The following PLGRKT variants were observed in gnomAD, a reference collection of about 807,000 sequenced individuals.
The protein encoded by PLGRKT is plasminogen receptor (KT).
A neutral mutation model predicts 18.5 loss-of-function variants in PLGRKT; 22 were observed. The ratio of observed to expected loss-of-function variants is 1.19; its 90% CI spans 0.85 to 1.70. The LOEUF is 1.70. Ranked by LOEUF, PLGRKT falls within the 40% of genes most tolerant of loss-of-function variation. PLGRKT has a pLI of 0.00. For synonymous variants in PLGRKT, 72 were observed against 52.8 expected, an observed-to-expected ratio of 1.36 and a Z score of -1.58; for missense variants, 235 against 174.4, an observed-to-expected ratio of 1.35 and a Z score of -1.96.
intron 3 of PLGRKT, chr9:5,381,938 G>A: frequency 1.0e-6 from 1 of 984,978 alleles, no homozygotes; most frequent in South Asian, 4.7e-5. Flanking sequence ...CTCCGAGACA[G>A]GGCCTCCATG....
rs1817701715 is a variant in PLGRKT at position 5,379,785 on chromosome 9, G to C, written c.82-17897C>G. Among the ~76,000 whole-genome samples, 5 of 152,224 alleles carry C rather than the reference G, an allele frequency of 3.3e-5. No homozygotes were observed. In the South Asian group the frequency reaches 1.0e-3, roughly 32 times the overall value. ...GATACTATCCTTTGTTGGTGAGAGT[G>C]CACTCATGCACTATTTTTGGGAAAG... On this transcript the variant is annotated intron_variant, in intron 3 of 5. Transcript: ENST00000223864.
intron 3 of PLGRKT, among the ~76,000 whole-genome samples, chr9:5,399,271 G>A (rs1818111132): frequency 6.6e-6 from 1 of 151,700 alleles, no homozygotes; most frequent in South Asian, 2.1e-4. Flanking sequence ...TTAATTCATA[G>A]ACCAGCCAAA....
chr9:5,362,124 C>A (rs191229458), intron 3 of PLGRKT, among the ~76,000 whole-genome samples: 114 of 152,270 alleles, frequency 7.5e-4, no homozygotes, highest in Middle Eastern at 3.4e-3. Flanking sequence ...CATTTTTACA[C>A]CCTGAGGTCT....
intron 2 of PLGRKT, among the ~76,000 whole-genome samples, chr9:5,436,274 A>C (rs1240430627): frequency 1.3e-5 from 2 of 152,202 alleles, no homozygotes; most frequent in Non-Finnish European, 2.9e-5. Context: ...TCCCCTAAAT[A>C]TTTGCACAAA....
Position 5,418,756 on chromosome 9 carries a change from A to G in PLGRKT, c.81+13141T>C. 1.4e-6 allele frequency: 1 copy of G among 702,152 alleles called. No individual in the cohort carries two copies. The highest frequency in any genetic ancestry group is 2.1e-5 in the Admixed American group (1 of 47,042). The allele number at this position is 702,152 out of a possible 1,614,324, so 43.5% of individuals were successfully genotyped here. Reference sequence around the variant, plus strand: ...GTGTGGAATGGTGATGACAGCCAGGACCTCGGGGTCGTCGAGGAGCTGCGA... The same window carrying G: ...GTGTGGAATGGTGATGACAGCCAGGGCCTCGGGGTCGTCGAGGAGCTGCGA... On this transcript the variant is annotated intron_variant, in intron 3 of 5. Transcript: ENST00000223864. This position sits in a 1 kb window ranked among gnomAD's most constrained non-coding sequence, Gnocchi z 4.2.
At chr9:5,374,928 A>T (rs1219425023) in intron 3 of PLGRKT, among the ~76,000 whole-genome samples, 1 of 152,168 alleles carries the variant, frequency 6.6e-6, no homozygotes, top group African/African-American at 2.4e-5. Flanking sequence ...ATTTGTATAA[A>T]TCTAAGATTT....
At chr9:5,397,788 C>G (rs1279810772) in intron 3 of PLGRKT, among the ~76,000 whole-genome samples, 15 of 151,984 alleles carry the variant, frequency 9.9e-5, no homozygotes, top group Non-Finnish European at 1.6e-4. Context: ...CATAAAGATA[C>G]AGGGAGCATT....
intron 3 of PLGRKT, among the ~76,000 whole-genome samples, chr9:5,379,519 C>T (rs949604173): frequency 6.6e-6 from 1 of 151,782 alleles, no homozygotes; most frequent in Non-Finnish European, 1.5e-5. Context: ...TGTGTGTGTA[C>T]ACAAATACAT....
intron 2 of PLGRKT, among the ~76,000 whole-genome samples, chr9:5,432,843 C>T (rs1409885606): frequency 6.6e-6 from 1 of 152,186 alleles, no homozygotes; most frequent in Non-Finnish European, 1.5e-5. Flanking sequence ...TCTCGGCTGG[C>T]TACAACCTCC....
chr9:5,435,408 C>A lies in PLGRKT; in HGVS notation c.-7+1161G>T, dbSNP rs1011835876. Among the ~76,000 whole-genome samples, 3 of 151,928 alleles carry A rather than the reference C, an allele frequency of 2.0e-5. 1 individual carries two copies. The highest frequency in any genetic ancestry group is 2.9e-5 in the Non-Finnish European group (2 of 67,982). On this transcript the variant is annotated intron_variant, in intron 2 of 5. Transcript: ENST00000223864. ...CCTGTCATCCCACCACAATCCCTGT[C>A]CCTCTCCTACATGCCCCTTATTTCC...
At chr9:5,369,707 A>G (rs1308542398) in intron 3 of PLGRKT, among the ~76,000 whole-genome samples, 1 of 152,240 alleles carries the variant, frequency 6.6e-6, no homozygotes. Flanking sequence ...TCAATGATAG[A>G]CTGGCTAAAG....
At chr9:5,410,109 C>T (rs894365562) in intron 3 of PLGRKT, among the ~76,000 whole-genome samples, 2 of 152,064 alleles carry the variant, frequency 1.3e-5, no homozygotes, top group African/African-American at 4.8e-5. Flanking sequence ...CTATTACTGG[C>T]CTTAATTGTA....
At chr9:5,400,848 A>G (rs1055301759) in intron 3 of PLGRKT, among the ~76,000 whole-genome samples, 3 of 151,934 alleles carry the variant, frequency 2.0e-5, no homozygotes, top group African/African-American at 7.3e-5. Flanking sequence ...CTACGCTGCT[A>G]TTCAGCCATA....
chr9:5,432,626 T>A (rs1031637258), intron 2 of PLGRKT, among the ~76,000 whole-genome samples: 3 of 151,862 alleles, frequency 2.0e-5, no homozygotes, highest in African/African-American at 7.3e-5. Context: ...GCCTGCCGAG[T>A]GCCAGGGATT....
rs139102311 is a variant in PLGRKT, at chr9:5,400,270, A to G, written c.81+31627T>C. On this transcript the variant is annotated intron_variant, in intron 3 of 5. Transcript: ENST00000223864. Reference sequence around the variant, plus strand: ...CACTCAATATAACTTCTAATACTCAAAGGTCTTCATATTCAAAATTCCCTC... The same window carrying G: ...CACTCAATATAACTTCTAATACTCAGAGGTCTTCATATTCAAAATTCCCTC... Among the ~76,000 whole-genome samples the G allele has an allele frequency of 3.7e-3, 560 of 152,010 alleles. 11 individuals are homozygous for G. Among genetic ancestry groups the G allele is most frequent in the African/African-American group, 0.011 (474 of 41,308 alleles).
At chr9:5,372,831 G>T (rs1052331012) in intron 3 of PLGRKT, among the ~76,000 whole-genome samples, 1 of 152,166 alleles carries the variant, frequency 6.6e-6, no homozygotes, top group African/African-American at 2.4e-5. Context: ...CATGCTATTA[G>T]GGAGTTGGAA....
intron 3 of PLGRKT, among the ~76,000 whole-genome samples, chr9:5,417,765 A>C (rs1047176587): frequency 3.9e-5 from 6 of 152,184 alleles, no homozygotes; most frequent in African/African-American, 1.4e-4. Context: ...GGTTCACAAC[A>C]AAACACAACA....
At chr9:5,403,843 CTAT>C (rs1263652529) in intron 3 of PLGRKT, among the ~76,000 whole-genome samples, 1 of 152,188 alleles carries the variant, frequency 6.6e-6, no homozygotes, top group Non-Finnish European at 1.5e-5. Flanking sequence ...AATACCATTT[CTAT>C]GGCCTCTGCC....
chr9:5,417,934 T>C (rs1818495348), intron 3 of PLGRKT, among the ~76,000 whole-genome samples: 1 of 152,224 alleles, frequency 6.6e-6, no homozygotes, highest in African/African-American at 2.4e-5. Flanking sequence ...CTGCATGTCT[T>C]AACTGAATTT....
Sources: gnomAD v4.1 joint callset for allele counts (sites outside exome capture counted in the v4.1 genomes callset) on GRCh38, gnomAD v4.1.1 for gene constraint, Gnocchi (gnomAD v3.1) non-coding constraint, MANE v1.5 for transcripts, NCBI Gene and HGNC (gene_info 2026-07-23, HGNC 2026-07-21) for gene names.